MYOM2: variants seen among roughly 807,000 people sequenced by gnomAD.
The protein encoded by MYOM2 is myomesin 2, also known as myomesin-2.
A neutral mutation model predicts 187.6 loss-of-function variants in MYOM2; 254 were observed. The ratio of observed to expected loss-of-function variants is 1.35; its 90% confidence interval spans 1.22 to 1.50. The LOEUF (loss-of-function observed/expected upper bound fraction) is 1.50. Among genes scored for constraint, MYOM2 ranks in the 40% most tolerant of loss-of-function variants. The probability of loss-of-function intolerance (pLI) is 0.00; values close to 1 mark genes in which losing one functional copy is unlikely to be tolerated. For missense variants in MYOM2, 2,796 were observed against 1,924.0 expected (o/e 1.45, Z -8.48); for synonymous variants, 981 against 753.8 (o/e 1.30, Z -4.94).
chr8:2,117,946 T>C lies in MYOM2; in HGVS notation c.3447T>C (p.Val1149=). 1 of 1,612,842 alleles carries C rather than the reference T, an allele frequency of 6.2e-7. No homozygotes were observed. Among genetic ancestry groups the C allele is most frequent in the Non-Finnish European group, 8.5e-7 (1 of 1,179,330 alleles). The change falls in exon 28 of 37, where the codon GTT becomes GTC. Residue 1149 remains valine (V), a synonymous_variant. Transcript: ENST00000262113. ...DVTEECEVRL[V]CKVANTKKET... Reference sequence around the variant, plus strand: ...CGGAAGAATGTGAAGTTCGACTTGTTTGCAAGGTGAGAAACCCGGTTCTAA... The same window carrying C: ...CGGAAGAATGTGAAGTTCGACTTGTCTGCAAGGTGAGAAACCCGGTTCTAA...
At chr8:2,065,025 C>G (rs1818970730) in intron 6 of MYOM2, among the ~76,000 whole-genome samples, 1 of 152,196 alleles carries the variant, frequency 6.6e-6, no homozygotes, top group Non-Finnish European at 1.5e-5. Flanking sequence ...AGGAATTCAG[C>G]TATTATTTCT....
intron 13 of MYOM2, among the ~76,000 whole-genome samples, chr8:2,081,174 T>TAGAA (rs1819613087): frequency 9.7e-6 from 1 of 103,160 alleles, no homozygotes; most frequent in Non-Finnish European, 2.0e-5. Flanking sequence ...GGTTTGGTTC[T>TAGAA]GGCCTGCGGG....
At chr8:2,048,366 G>A (rs753085455) in intron 1 of MYOM2, among the ~76,000 whole-genome samples, 9 of 152,228 alleles carry the variant, frequency 5.9e-5, no homozygotes, top group African/African-American at 7.2e-5. Context: ...GAGAGTAAAT[G>A]GGTTTCTGAG....
chr8:2,141,041 A>G (rs1372962767), intron 33 of MYOM2, 100 bp from the exon 34 acceptor site: 4 of 1,344,018 alleles, frequency 3.0e-6, no homozygotes, highest in Admixed American at 2.3e-5. Context: ...TTTTTTATAT[A>G]TCAGTTTTCA....
In MYOM2 at chr8:2,117,944, G is replaced by A. The variant is rs1230463394; in HGVS notation, c.3445G>A (p.Val1149Ile). The change falls in exon 28 of 37, where the codon GTT becomes ATT. Residue 1149 changes from valine to isoleucine, a missense_variant. Val to Ile is a conservative substitution (Grantham distance 29). Transcript: ENST00000262113. ...DVTEECEVRL[V>I]CKVANTKKET... ...CACGGAAGAATGTGAAGTTCGACTT[G>A]TTTGCAAGGTGAGAAACCCGGTTCT... 8 of 1,612,572 alleles carry A rather than the reference G, an allele frequency of 5.0e-6. No individual in the cohort carries two copies. Among genetic ancestry groups the A allele is most frequent in the Non-Finnish European group, 6.8e-6 (8 of 1,179,248 alleles).
chr8:2,092,771 T>C (rs535121783), intron 16 of MYOM2, among the ~76,000 whole-genome samples: 10 of 145,748 alleles, frequency 6.9e-5, no homozygotes, highest in East Asian at 4.0e-4. Context: ...TGTTTTTTTT[T>C]CCCCTGACAT....
intron 16 of MYOM2, among the ~76,000 whole-genome samples, chr8:2,092,941 C>T (rs796717660): frequency 1.2e-4 from 19 of 152,240 alleles, no homozygotes; most frequent in East Asian, 3.9e-4. Flanking sequence ...GAGACCCCAC[C>T]GGGCGCCGAC....
Position 2,057,385 on chromosome 8 carries a change from C to T in MYOM2, c.301C>T (p.Arg101Ter), listed in dbSNP as rs750072263. Residue 101 changes from arginine to a stop codon, truncating the protein, a stop_gained, in exon 4 of 37, where the codon CGA becomes TGA. Transcript: ENST00000262113. LOFTEE classifies it high-confidence loss of function. ...GGTGGCCGCCTATGGTGAGGCCAAG[C>T]GACAGCGCTTCCTCAGCGAGCTGGC... is the stretch of plus-strand genomic sequence containing the variant. ...SLVAAYGEAK[R>*]QRFLSELAHL... is the part of the protein sequence containing the mutation. 1.1e-5 allele frequency: 17 copies of T among 1,613,634 alleles called. No homozygotes were observed. The highest frequency in any genetic ancestry group is 4.5e-5 in the East Asian group (2 of 44,878).
Position 2,098,950 on chromosome 8 carries a change from T to A in MYOM2, c.2407T>A (p.Phe803Ile). Reference sequence around the variant, plus strand: ...GGAGCCCTCAGATCCCAGTGAGCACTTCAAGTGTGAGGCCTGGACCATGCC... The same window carrying A: ...GGAGCCCTCAGATCCCAGTGAGCACATCAAGTGTGAGGCCTGGACCATGCC... ...IGEPSDPSEHFKCEAWTMPEP... is the reference protein window; with the variant it reads ...IGEPSDPSEHIKCEAWTMPEP... The change falls in exon 19 of 37, where the codon TTC becomes ATC. Residue 803 changes from phenylalanine (F) to isoleucine (I), a missense_variant. Transcript: ENST00000262113. 6.2e-7 allele frequency: 1 copy of A among 1,613,580 alleles called. No homozygotes were observed. Among genetic ancestry groups the A allele is most frequent in the Non-Finnish European group, 8.5e-7 (1 of 1,179,834 alleles).
intron 34 of MYOM2, 107 bp from the exon 35 acceptor site, chr8:2,142,268 T>C (rs1260494449): frequency 1.8e-6 from 2 of 1,112,484 alleles, no homozygotes; most frequent in Admixed American, 3.4e-5. Context: ...CGTATCTCCT[T>C]CTTCTTTTGC....
chr8:2,145,392 G>C lies in MYOM2; in HGVS notation c.*411G>C, dbSNP rs892711150. The C allele has an allele frequency of 1.9e-5, 5 of 261,232 alleles. No individual in the cohort carries two copies. The highest frequency in any genetic ancestry group is 3.6e-5 in the Non-Finnish European group (5 of 140,522). 16.2% of individuals were successfully genotyped at this position (261,232 alleles called of 1,614,324 possible). ...CTGAAATCCTGGCTGTCGAGGCTTT[G>C]AAGCATGTGTTACCTGGTTAAGCTT... On this transcript the variant is annotated 3_prime_UTR_variant, in exon 37 of 37. Transcript: ENST00000262113.
chr8:2,105,136 A>G (rs1796848445), intron 21 of MYOM2, among the ~76,000 whole-genome samples: 1 of 151,924 alleles, frequency 6.6e-6, no homozygotes, highest in Non-Finnish European at 1.5e-5. Context: ...TTACATTTCA[A>G]TGTGAGTTTT....
intron 6 of MYOM2, 121 bp downstream of exon 6, chr8:2,059,366 A>G (rs1439327608): frequency 9.4e-6 from 7 of 743,650 alleles, no homozygotes; most frequent in Non-Finnish European, 1.5e-5. Flanking sequence ...ACCCCGGGTG[A>G]CTTTAAATAG....
At chr8:2,074,344 C>G (rs972436496) in intron 10 of MYOM2, among the ~76,000 whole-genome samples, 13 of 152,062 alleles carry the variant, frequency 8.5e-5, no homozygotes, top group African/African-American at 3.1e-4. Flanking sequence ...TAGAGAAGCT[C>G]AGATTTAAAT....
At chr8:2,123,769 T>C in intron 30 of MYOM2, 127 bp downstream of exon 30, 3 of 779,076 alleles carry the variant, frequency 3.9e-6, no homozygotes, top group South Asian at 3.7e-5. Context: ...GCAGTAACAC[T>C]GTAGAAAAAA....
chr8:2,143,823 G>A (rs1378375337), intron 36 of MYOM2, among the ~76,000 whole-genome samples: 11 of 152,162 alleles, frequency 7.2e-5, no homozygotes, highest in African/African-American at 2.2e-4. Context: ...ACCTACCTGC[G>A]TGTGTGAAGG....
Position 2,144,739 on chromosome 8 carries a change from C to G in MYOM2, c.4156C>G (p.Gln1386Glu), listed in dbSNP as rs201108083. The G allele has an allele frequency of 6.2e-7, 1 of 1,614,078 alleles. No homozygotes were observed. Among genetic ancestry groups the G allele is most frequent in the South Asian group, 1.1e-5 (1 of 91,076 alleles). Residue 1386 changes from glutamine (Q) to glutamate (E), a missense_variant, in exon 37 of 37, where the codon CAG (glutamine) becomes GAG (glutamate). Gln to Glu is a conservative substitution (Grantham distance 29, BLOSUM62 2). Transcript: ENST00000262113. ...VIWFKNDQDI[Q>E]LSEHFSVKVE... ...TTGGTTCAAGAACGACCAGGACATC[C>G]AGCTCAGCGAGCACTTCTCGGTGAA...
intron 21 of MYOM2, among the ~76,000 whole-genome samples, chr8:2,104,554 G>A (rs1270908552): frequency 1.3e-5 from 2 of 151,690 alleles, no homozygotes; most frequent in South Asian, 2.1e-4. Flanking sequence ...GCAGTGAGCC[G>A]AGATCGCGCC....
rs528596794 is a variant in MYOM2, at chr8:2,109,459, C to T, written c.3108C>T (p.Leu1036=). The change falls in exon 25 of 37, where the codon CTC becomes CTT. Residue 1036 remains leucine (L), a synonymous_variant. Coordinates refer to ENST00000262113, the MANE Select transcript of MYOM2 (RefSeq NM_003970.4). The part of the protein sequence containing the change: ...IFDKGRVRFW[L]QAEHLSPDAS... Reference sequence around the variant, plus strand: ...ATAAGGGGCGGGTTCGCTTCTGGCTCCAGGCTGAGCACTTATCACCAGATG... The same window carrying T: ...ATAAGGGGCGGGTTCGCTTCTGGCTTCAGGCTGAGCACTTATCACCAGATG... 1 of 1,613,338 alleles carries T rather than the reference C, an allele frequency of 6.2e-7. No individual in the cohort carries two copies.
Sources: gnomAD v4.1 joint callset for allele counts (sites outside exome capture counted in the v4.1 genomes callset) on GRCh38, gnomAD v4.1.1 for gene constraint, MANE v1.5 for transcripts, NCBI Gene and HGNC (gene_info 2026-07-23, HGNC 2026-07-21) for gene names.